Variants in OLA1 observed in about 807,000 individuals in gnomAD.
OLA1 encodes the protein obg-like ATPase 1.
A neutral mutation model predicts 48.4 loss-of-function variants in OLA1; 14 were observed. The ratio of observed to expected loss-of-function variants is 0.29; its 90% CI spans 0.19 to 0.45. The LOEUF (loss-of-function observed/expected upper bound fraction) is 0.45, where lower values mean the gene tolerates loss of function less well. Ranked by LOEUF, OLA1 falls within the 20% of genes least tolerant of loss-of-function variation. OLA1 has a pLI of 1.00. For missense variants in OLA1, 325 were observed against 467.1 expected, an observed-to-expected ratio of 0.70 and a Z score of 2.80; for synonymous variants, 127 against 150.4, an observed-to-expected ratio of 0.84 and a Z score of 1.14.
At position 174,218,988 on chromosome 2, in the gene OLA1, ATTTTT is replaced by A. The variant is rs760419464; in HGVS notation, c.373+4040_373+4044del. On this transcript the variant is annotated intron_variant, in intron 4 of 10. Coordinates refer to ENST00000284719, the MANE Select transcript of OLA1 (RefSeq NM_013341.5). ...AGGCACAGGCCACCAAGGCCGGCTA[ATTTTT>A]TTTTTTTTTTTTTGTAGCAATGTGG... Among the ~76,000 whole-genome samples the A allele has an allele frequency of 3.2e-3, 277 of 86,448 alleles. 2 individuals carry two copies. Among genetic ancestry groups the A allele is most frequent in the African/African-American group, 0.014 (263 of 18,906 alleles). The allele number at this position is 86,448 out of a possible 152,430, so 56.7% of individuals were successfully genotyped here. A position where few individuals can be genotyped will look rare whatever the true frequency, so the allele number is the denominator to read the frequency against.
chr2:174,208,421 C>A (rs1471272831), intron 4 of OLA1, among the ~76,000 whole-genome samples: 2 of 152,094 alleles, frequency 1.3e-5, no homozygotes, highest in Non-Finnish European at 2.9e-5. Flanking sequence ...TGAAAATGCG[C>A]CTCTCTAATC....
At chr2:174,153,520 A>G (rs1686795078) in intron 4 of OLA1, among the ~76,000 whole-genome samples, 1 of 151,990 alleles carries the variant, frequency 6.6e-6, no homozygotes, top group Admixed American at 6.6e-5. Flanking sequence ...AACACATTAC[A>G]ATATTATACA....
chr2:174,110,150 C>T (rs190493319), intron 7 of OLA1, among the ~76,000 whole-genome samples: 1 of 135,276 alleles, frequency 7.4e-6, no homozygotes, highest in East Asian at 2.6e-4. Context: ...GTCTGGAGTG[C>T]AGTGGTGCGG....
At chr2:174,243,354 G>A (rs1051897569) in intron 2 of OLA1, among the ~76,000 whole-genome samples, 1 of 152,124 alleles carries the variant, frequency 6.6e-6, no homozygotes, top group African/African-American at 2.4e-5. Context: ...GCTTGAGCCC[G>A]GGAGATTTAG....
intron 5 of OLA1, among the ~76,000 whole-genome samples, chr2:174,140,896 C>G (rs995087025): frequency 3.3e-5 from 5 of 151,968 alleles, no homozygotes; most frequent in African/African-American, 9.7e-5. Context: ...GTTACTTTCT[C>G]TTACTAGTTT....
chr2:174,124,844 T>G (rs1039186481), intron 5 of OLA1, among the ~76,000 whole-genome samples: 35 of 152,150 alleles, frequency 2.3e-4, no homozygotes, highest in Non-Finnish European at 4.3e-4. Flanking sequence ...CCTTCCAAAT[T>G]TTGCTGTTAC....
In OLA1 at chr2:174,184,191, C is replaced by A. The variant is rs531876684; in HGVS notation, c.373+38842G>T. ...TTCCTCCTCTGCTTTAAGAGTGGCC[C>A]AAGTTTATCCTGCTTCCAAAAGAAA... On this transcript the variant is annotated intron_variant, in intron 4 of 10. Coordinates refer to ENST00000284719, the MANE Select transcript of OLA1 (RefSeq NM_013341.5). Among the ~76,000 whole-genome samples the A allele has an allele frequency of 3.9e-5, 6 of 152,172 alleles. No homozygotes were observed. The South Asian group carries it at 1.2e-3, about 32-fold the overall frequency.
intron 2 of OLA1, among the ~76,000 whole-genome samples, chr2:174,239,881 G>C (rs762621106): frequency 6.6e-6 from 1 of 150,498 alleles, no homozygotes; most frequent in Non-Finnish European, 1.5e-5. Context: ...ATGACAGAGC[G>C]AGACTCTATC....
intron 4 of OLA1, among the ~76,000 whole-genome samples, chr2:174,164,416 T>C (rs1055731658): frequency 7.8e-5 from 5 of 64,128 alleles, no homozygotes; most frequent in African/African-American, 3.0e-4. Flanking sequence ...CGAAACGGTT[T>C]AATTTTCACA....
chr2:174,160,578 A>C (rs1232872831), intron 4 of OLA1, among the ~76,000 whole-genome samples: 1 of 152,218 alleles, frequency 6.6e-6, no homozygotes, highest in Non-Finnish European at 1.5e-5. Flanking sequence ...ACACCTGCCA[A>C]TATATTAAAA....
In OLA1 at chr2:174,228,583, AAC is replaced by A. The variant is rs943527509; in HGVS notation, c.245+723_245+724del. On this transcript the variant is annotated intron_variant, in intron 3 of 10. Transcript: ENST00000284719. ...AAACTATCTCACTTTTTCCTAATAAAACAGTTTTACTTATTTTTTTAATTGAA... is the reference window on the plus strand; with the variant it reads ...AAACTATCTCACTTTTTCCTAATAAAAGTTTTACTTATTTTTTTAATTGAA... Among the ~76,000 whole-genome samples, 10 of 152,278 alleles carry A rather than the reference AAC, an allele frequency of 6.6e-5. No homozygotes were observed. In the East Asian group the frequency reaches 9.6e-4, roughly 15 times the overall value.
intron 2 of OLA1, among the ~76,000 whole-genome samples, chr2:174,230,361 T>C (rs1488165513): frequency 1.3e-5 from 2 of 152,196 alleles, no homozygotes; most frequent in East Asian, 1.9e-4. Context: ...GTCTTTCCTA[T>C]AGAAACTGTA....
chr2:174,111,327 T>C (rs1264686617), intron 7 of OLA1, among the ~76,000 whole-genome samples: 2 of 152,206 alleles, frequency 1.3e-5, no homozygotes, highest in Non-Finnish European at 2.9e-5. Context: ...ATGAAAAGCA[T>C]GCTATAAATG....
At chr2:174,102,420 A>G (rs1206700676) in intron 7 of OLA1, among the ~76,000 whole-genome samples, 1 of 151,758 alleles carries the variant, frequency 6.6e-6, no homozygotes, top group Non-Finnish European at 1.5e-5. Flanking sequence ...GAGATTAGAA[A>G]TGAAAGGCTA....
chr2:174,100,888 C>T (rs746583633), intron 7 of OLA1, among the ~76,000 whole-genome samples: 6 of 152,098 alleles, frequency 3.9e-5, no homozygotes, highest in Non-Finnish European at 7.4e-5. Context: ...GTATGATTTC[C>T]ACAGCAAAAA....
intron 4 of OLA1, 140 bp downstream of exon 4, chr2:174,222,893 C>A: frequency 1.2e-6 from 1 of 832,264 alleles, no homozygotes; most frequent in Non-Finnish European, 1.8e-6. Context: ...ATTAAAGTCA[C>A]AGATTTACAG....
chr2:174,123,373 G>T, intron 6 of OLA1, 96 bp from the exon 7 acceptor site: 1 of 630,700 alleles, frequency 1.6e-6, no homozygotes, highest in Non-Finnish European at 2.6e-6. Context: ...CTTAAAACAA[G>T]TAGGCATTTT....
At chr2:174,082,089 T>C (rs1481087014) in intron 7 of OLA1, 25 bp from the exon 8 acceptor site, 1 of 1,611,104 alleles carries the variant, frequency 6.2e-7, no homozygotes, top group African/African-American at 1.3e-5. Flanking sequence ...GGGCACAACA[T>C]TATCTTGTAG....
At chr2:174,201,332 C>G (rs1033980590) in intron 4 of OLA1, among the ~76,000 whole-genome samples, 1 of 152,182 alleles carries the variant, frequency 6.6e-6, no homozygotes, top group African/African-American at 2.4e-5. Flanking sequence ...AAGCAAGTCA[C>G]TTCATCTCTC....
Sources: gnomAD v4.1 joint callset for allele counts (sites outside exome capture counted in the v4.1 genomes callset) on GRCh38, gnomAD v4.1.1 for gene constraint, MANE v1.5 for transcripts, NCBI Gene and HGNC (gene_info 2026-07-23, HGNC 2026-07-21) for gene names.